The following SND1 variants were observed in gnomAD, a reference collection of about 807,000 sequenced individuals.
SND1 encodes the protein staphylococcal nuclease and tudor domain containing 1, also known as staphylococcal nuclease domain-containing protein 1.
SND1 carries 38 observed loss-of-function variants against 121.7 expected under a neutral mutation model. The ratio of observed to expected loss-of-function variants is 0.31; its 90% CI spans 0.24 to 0.41. SND1 has a LOEUF of 0.41. Among genes scored for constraint, SND1 ranks in the 10% least tolerant of loss-of-function variants. SND1 has a pLI of 1.00. For missense variants in SND1, 868 were observed against 1,184.6 expected (o/e 0.73, Z 3.92); for synonymous variants, 401 against 447.4 (o/e 0.90, Z 1.31).
intron 4 of SND1, 144 bp downstream of exon 4, chr7:127,699,097 T>C (rs1309024855): frequency 3.0e-6 from 2 of 658,656 alleles, no homozygotes; most frequent in Non-Finnish European, 5.4e-6. Context: ...TATTCTGAGC[T>C]AGGAAGTCAC....
Position 128,084,756 on chromosome 7 carries a change from C to G in SND1, c.2143C>G (p.Arg715Gly). 1 of 1,609,780 alleles carries G rather than the reference C, an allele frequency of 6.2e-7. No homozygotes were observed. Among genetic ancestry groups the G allele is most frequent in the Non-Finnish European group, 8.5e-7 (1 of 1,177,362 alleles). ...GTTGGAGAAGCTGATGGAGAACATG[C>G]GCAATGACATTGCCAGTCACCCCCC... ...TQLEKLMENM[R>G]NDIASHPPVE... Residue 715 changes from arginine to glycine, a missense_variant, in exon 19 of 24, where the codon CGC (arginine) becomes GGC (glycine). Transcript: ENST00000354725.
At chr7:128,060,811 G>C (rs1426709348) in intron 16 of SND1, among the ~76,000 whole-genome samples, 2 of 152,138 alleles carry the variant, frequency 1.3e-5, no homozygotes, top group African/African-American at 4.8e-5. Context: ...TTCAAGGGTG[G>C]GGTCCATTTT....
intron 10 of SND1, among the ~76,000 whole-genome samples, chr7:127,760,215 T>G (rs546430576): frequency 1.3e-5 from 2 of 152,332 alleles, no homozygotes; most frequent in East Asian, 3.9e-4. Flanking sequence ...TTAATCTGTC[T>G]TGTTTATTTA....
intron 12 of SND1, among the ~76,000 whole-genome samples, chr7:127,871,097 C>G (rs1444788763): frequency 6.6e-6 from 1 of 152,098 alleles, no homozygotes; most frequent in Non-Finnish European, 1.5e-5. Flanking sequence ...CTGTCTTCCA[C>G]CTCTATATCT....
intron 14 of SND1, 103 bp downstream of exon 14, chr7:127,904,922 C>A: frequency 2.6e-6 from 2 of 756,220 alleles, no homozygotes; most frequent in East Asian, 2.6e-5. Flanking sequence ...TAGCTCGCTC[C>A]TTTTCAGGCA....
intron 10 of SND1, among the ~76,000 whole-genome samples, chr7:127,755,710 T>C (rs1044672631): frequency 7.5e-4 from 115 of 152,366 alleles, no homozygotes; most frequent in East Asian, 1.9e-4. Context: ...GTGACTCCGT[T>C]TGAAAGCGGA....
At position 128,081,346 on chromosome 7, in the gene SND1, G is replaced by C. The variant is rs202074691; in HGVS notation, c.1969-14G>C. ...TCCTCGCCCTCTTCTCACCTCTGCC[G>C]ACTGAACATGCAGGTCTGGGCCCAC... On this transcript the variant is annotated splice_polypyrimidine_tract_variant and intron_variant, in intron 17 of 23. Coordinates refer to ENST00000354725, the MANE Select transcript of SND1 (RefSeq NM_014390.4). 1.1e-5 allele frequency: 17 copies of C among 1,613,824 alleles called. No individual in the cohort carries two copies. In the East Asian group the frequency reaches 1.6e-4, roughly 15 times the overall value.
chr7:127,904,537 G>A, intron 13 of SND1: 1 of 396,936 alleles, frequency 2.5e-6, no homozygotes, highest in East Asian at 3.8e-5. Context: ...GCCAAGTGCT[G>A]GTAACAGGGC....
Position 127,829,203 on chromosome 7 carries a change from A to T in SND1, c.1243-15121A>T, listed in dbSNP as rs996008145. On this transcript the variant is annotated intron_variant, in intron 11 of 23. Transcript: ENST00000354725. ...GCAGATGAGGGAAAAGCCTGTAGGG[A>T]TCCTGCCCCCTGCCCCCTCCCCCAC... Among the ~76,000 whole-genome samples the T allele has an allele frequency of 7.2e-5, 11 of 152,250 alleles. No homozygotes were observed. The East Asian group carries it at 2.1e-3, about 29-fold the overall frequency.
intron 1 of SND1, among the ~76,000 whole-genome samples, chr7:127,665,395 G>A (rs1189243921): frequency 6.6e-6 from 1 of 152,040 alleles, no homozygotes; most frequent in Non-Finnish European, 1.5e-5. Flanking sequence ...CACCGTGTTA[G>A]CCAGGATAGT....
rs368370806 is a variant in SND1, at chr7:127,959,989, C to T, written c.1669+30660C>T. Among the ~76,000 whole-genome samples, 5 of 152,306 alleles carry T rather than the reference C, an allele frequency of 3.3e-5. No homozygotes were observed. In the East Asian group the frequency reaches 7.7e-4, roughly 23 times the overall value. On this transcript the variant is annotated intron_variant, in intron 15 of 23. Coordinates refer to ENST00000354725, the MANE Select transcript of SND1 (RefSeq NM_014390.4). ...TTCATTGATGTTCCCTCTGGTTCCCCTGTTGCCTCTCGTCTGCTATCTATT... is the reference window on the plus strand; with the variant it reads ...TTCATTGATGTTCCCTCTGGTTCCCTTGTTGCCTCTCGTCTGCTATCTATT...
At chr7:128,081,705 A>G (rs1299491610) in intron 18 of SND1, among the ~76,000 whole-genome samples, 1 of 152,142 alleles carries the variant, frequency 6.6e-6, no homozygotes, top group African/African-American at 2.4e-5. Flanking sequence ...GAGCCTTCAC[A>G]TGAGCCCTGG....
At chr7:127,724,061 T>A (rs1188086970) in intron 10 of SND1, among the ~76,000 whole-genome samples, 1 of 152,218 alleles carries the variant, frequency 6.6e-6, no homozygotes, top group East Asian at 1.9e-4. Context: ...GAAATTTGCA[T>A]GAACAGGTAG....
intron 9 of SND1, among the ~76,000 whole-genome samples, chr7:127,719,532 T>C (rs1796451260): frequency 2.0e-5 from 3 of 152,204 alleles, no homozygotes; most frequent in South Asian, 4.1e-4. Flanking sequence ...TCTGGCAAGA[T>C]GAATTTTGGG....
At chr7:128,073,253 ATATGTTCTCCAT>A (rs1193486920) in intron 16 of SND1, among the ~76,000 whole-genome samples, 6 of 152,210 alleles carry the variant, frequency 3.9e-5, no homozygotes, top group Non-Finnish European at 8.8e-5. Context: ...GACTGGACCT[ATATGTTCTCCAT>A]TATCTCTTTT....
intron 10 of SND1, among the ~76,000 whole-genome samples, chr7:127,790,286 G>C (rs1212730328): frequency 6.6e-6 from 1 of 152,184 alleles, no homozygotes; most frequent in Non-Finnish European, 1.5e-5. Context: ...GAGTGGTGCT[G>C]TGTGGGGGAT....
At chr7:127,998,028 T>C (rs770785355) in intron 16 of SND1, 16 of 520,890 alleles carry the variant, frequency 3.1e-5, no homozygotes, top group Middle Eastern at 3.2e-4. Flanking sequence ...CCCCACTAGC[T>C]TGTAAGCTCC....
intron 15 of SND1, among the ~76,000 whole-genome samples, chr7:127,934,569 A>G (rs569233568): frequency 6.6e-6 from 1 of 152,076 alleles, no homozygotes; most frequent in Non-Finnish European, 1.5e-5. Flanking sequence ...TAGGAGGTAG[A>G]CTTGAAATTC....
chr7:127,670,627 A>G (rs1795499540), intron 1 of SND1, among the ~76,000 whole-genome samples: 1 of 152,114 alleles, frequency 6.6e-6, no homozygotes, highest in Non-Finnish European at 1.5e-5. Flanking sequence ...AGAGGTTTCT[A>G]GCTTGTCTGA....
Sources: gnomAD v4.1 joint callset for allele counts (sites outside exome capture counted in the v4.1 genomes callset) on GRCh38, gnomAD v4.1.1 for gene constraint, MANE v1.5 for transcripts, NCBI Gene and HGNC (gene_info 2026-07-23, HGNC 2026-07-21) for gene names.